RUNX1: variants seen among roughly 807,000 people sequenced by gnomAD.
RUNX1 encodes RUNX family transcription factor 1.
Under a neutral mutation model 42.8 loss-of-function variants are expected in RUNX1, and 19 were observed. The ratio of observed to expected loss-of-function variants is 0.44; its 90% CI spans 0.31 to 0.65. RUNX1 has a LOEUF of 0.65. Among genes scored for constraint, RUNX1 ranks in the 30% least tolerant of loss-of-function variants. The pLI, the probability that RUNX1 is intolerant of heterozygous loss-of-function variation, is 0.07. For missense variants in RUNX1, 528 were observed against 672.0 expected, an observed-to-expected ratio of 0.79 and a Z score of 2.37; for synonymous variants, 271 against 289.4, an observed-to-expected ratio of 0.94 and a Z score of 0.64.
At chr21:35,036,317 C>G (rs1316957035) in intron 2 of RUNX1, among the ~76,000 whole-genome samples, 1 of 152,148 alleles carries the variant, frequency 6.6e-6, no homozygotes, top group Non-Finnish European at 1.5e-5. Flanking sequence ...AATTAGCTTG[C>G]ACATCTTTTA....
rs927187121 is a variant in RUNX1, at chr21:34,791,926, A to T, written c.*209T>A. The T allele has an allele frequency of 6.2e-6, 2 of 322,710 alleles. No homozygotes were observed. Among genetic ancestry groups the T allele is most frequent in the African/African-American group, 2.2e-5 (1 of 45,672 alleles). 20.0% of individuals were successfully genotyped at this position (322,710 alleles called of 1,614,324 possible). ...ACACCTCCGCGAGGGCCGGGGCGCC[A>T]GCAGACGGCGGCGGCGTGGGCTTCT... On this transcript the variant is annotated 3_prime_UTR_variant, in exon 9 of 9. Transcript: ENST00000675419.
chr21:34,848,220 G>T (rs968022701), intron 6 of RUNX1, among the ~76,000 whole-genome samples: 1 of 152,198 alleles, frequency 6.6e-6, no homozygotes, highest in Non-Finnish European at 1.5e-5. Context: ...ATCTGATCCC[G>T]AAGGGGAGGC....
At chr21:34,805,125 T>C (rs2056661516) in intron 7 of RUNX1, among the ~76,000 whole-genome samples, 1 of 152,068 alleles carries the variant, frequency 6.6e-6, no homozygotes, top group African/African-American at 2.4e-5. Flanking sequence ...ATGGCTTACT[T>C]AGTAGACAGA....
At chr21:34,850,432 C>T (rs941536171) in intron 6 of RUNX1, among the ~76,000 whole-genome samples, 7 of 152,188 alleles carry the variant, frequency 4.6e-5, no homozygotes, top group South Asian at 2.1e-4. Context: ...ATCCCAGGCA[C>T]GCTTGGGAGA....
At chr21:34,904,847 T>C (rs1254832350) in intron 2 of RUNX1, among the ~76,000 whole-genome samples, 1 of 152,258 alleles carries the variant, frequency 6.6e-6, no homozygotes, top group Non-Finnish European at 1.5e-5. Flanking sequence ...CCTCACGTTT[T>C]AGAGAAGAAT....
chr21:34,926,349 C>T (rs562176218), intron 2 of RUNX1, among the ~76,000 whole-genome samples: 5 of 148,442 alleles, frequency 3.4e-5, no homozygotes, highest in Non-Finnish European at 7.4e-5. Context: ...GTCGCACATG[C>T]CTGTCAGCTA....
At chr21:34,949,972 G>A (rs1445119067) in intron 2 of RUNX1, among the ~76,000 whole-genome samples, 2 of 152,144 alleles carry the variant, frequency 1.3e-5, no homozygotes, top group Non-Finnish European at 2.9e-5. Context: ...ACAGAATCAC[G>A]GCTGAACTGA....
intron 5 of RUNX1, among the ~76,000 whole-genome samples, chr21:34,866,997 T>G (rs1378850990): frequency 1.3e-5 from 2 of 151,846 alleles, no homozygotes; most frequent in African/African-American, 4.8e-5. Flanking sequence ...ACCGAAGACA[T>G]GCAAAGCATT....
At chr21:34,939,996 T>C (rs1254807911) in intron 2 of RUNX1, among the ~76,000 whole-genome samples, 3 of 152,312 alleles carry the variant, frequency 2.0e-5, no homozygotes, top group South Asian at 4.1e-4. Flanking sequence ...CATTTCATGA[T>C]TGCAATGATG....
chr21:34,802,694 G>C (rs2056624581), intron 7 of RUNX1, among the ~76,000 whole-genome samples: 1 of 152,132 alleles, frequency 6.6e-6, no homozygotes, highest in Non-Finnish European at 1.5e-5. Flanking sequence ...CTGTTCCCAA[G>C]GTAGAAACAA....
In RUNX1 at chr21:34,872,372, AC is replaced by A. The variant is rs1003454003; in HGVS notation, c.508+8184del. Among the ~76,000 whole-genome samples, 187 of 151,862 alleles carry A rather than the reference AC, an allele frequency of 1.2e-3. 1 individual carries two copies. The highest frequency in any genetic ancestry group is 4.4e-3 in the African/African-American group (181 of 41,422). On this transcript the variant is annotated intron_variant, in intron 5 of 8. Coordinates refer to ENST00000675419, the MANE Select transcript of RUNX1 (RefSeq NM_001754.5). ...GAGAAGCTGCCCTGCTGTGTGTACCACCCCCACCTGCAGCCACTCCTCCAGC... is the reference window on the plus strand; with the variant it reads ...GAGAAGCTGCCCTGCTGTGTGTACCACCCCACCTGCAGCCACTCCTCCAGC...
At chr21:34,930,289 TATAA>T (rs200464696) in intron 2 of RUNX1, among the ~76,000 whole-genome samples, 14 of 137,322 alleles carry the variant, frequency 1.0e-4, no homozygotes, top group African/African-American at 2.2e-4. Flanking sequence ...TATATATATA[TATAA>T]ATAAATAAAT....
At chr21:34,884,961 T>G (rs2057959500) in intron 4 of RUNX1, among the ~76,000 whole-genome samples, 1 of 152,244 alleles carries the variant, frequency 6.6e-6, no homozygotes, top group Admixed American at 6.5e-5. Context: ...TATTATGGTT[T>G]CTGCTAGAAA....
rs192844722 is a variant in RUNX1, at chr21:34,977,433, T to A, written c.58+71409A>T. Among the ~76,000 whole-genome samples, 195 of 152,344 alleles carry A rather than the reference T, an allele frequency of 1.3e-3. 1 individual carries two copies. Among genetic ancestry groups the A allele is most frequent in the Admixed American group, 2.6e-3 (40 of 15,306 alleles). ...GTTCACTGAGCTTGGGCTATGGATT[T>A]AGGTACCAAGCAGTTTGACAATCTT... On this transcript the variant is annotated intron_variant, in intron 2 of 8. Transcript: ENST00000675419.
rs991027489 is a variant in RUNX1, at chr21:34,829,447, C to T, written c.805+4963G>A. On this transcript the variant is annotated intron_variant, in intron 7 of 8. Coordinates refer to ENST00000675419, the MANE Select transcript of RUNX1 (RefSeq NM_001754.5). ...ACTGGTTTTCATTTCTTCTCTCTCT[C>T]TCCCTTCTTTCCTTTAATTATTTTT... Among the ~76,000 whole-genome samples, 5 of 152,164 alleles carry T rather than the reference C, an allele frequency of 3.3e-5. 1 individual carries two copies. The highest frequency in any genetic ancestry group is 1.2e-4 in the African/African-American group (5 of 41,446).
intron 2 of RUNX1, among the ~76,000 whole-genome samples, chr21:34,913,911 A>C (rs1251390442): frequency 6.6e-6 from 1 of 152,218 alleles, no homozygotes; most frequent in Non-Finnish European, 1.5e-5. Context: ...TTGTCTAAAA[A>C]TCTAAACCAT....
chr21:34,879,169 A>G (rs2057859627), intron 5 of RUNX1, among the ~76,000 whole-genome samples: 1 of 152,228 alleles, frequency 6.6e-6, no homozygotes. Context: ...TCTCTGAATC[A>G]TAATGCAAAT....
At chr21:34,835,360 AT>A (rs2057130524) in intron 6 of RUNX1, among the ~76,000 whole-genome samples, 3 of 152,092 alleles carry the variant, frequency 2.0e-5, no homozygotes, top group Non-Finnish European at 4.4e-5. Context: ...GCTACAGCCT[AT>A]CTGGTGAGCT....
chr21:34,838,186 G>C (rs575255749), intron 6 of RUNX1, among the ~76,000 whole-genome samples: 2 of 151,998 alleles, frequency 1.3e-5, no homozygotes, highest in Non-Finnish European at 2.9e-5. Flanking sequence ...GTTGATAACC[G>C]AGCTGCCTTT....
Sources: gnomAD v4.1 joint callset for allele counts (sites outside exome capture counted in the v4.1 genomes callset) on GRCh38, gnomAD v4.1.1 for gene constraint, MANE v1.5 for transcripts, NCBI Gene and HGNC (gene_info 2026-07-23, HGNC 2026-07-21) for gene names.